The following NRG3 variants were observed in gnomAD, a reference collection of about 807,000 sequenced individuals.
NRG3 encodes the protein neuregulin 3.
NRG3 carries 31 observed loss-of-function variants against 66.9 expected under a neutral mutation model. The observed-to-expected ratio is 0.46, with a 90% CI of 0.35 to 0.63. The LOEUF (loss-of-function observed/expected upper bound fraction) is 0.63, where lower values mean the gene tolerates loss of function less well. Among genes scored for constraint, NRG3 ranks in the 20% least tolerant of loss-of-function variants. NRG3 has a pLI of 0.00. For synonymous variants in NRG3, 393 were observed against 359.4 expected, an observed-to-expected ratio of 1.09 and a Z score of -1.06; for missense variants, 910 against 878.9, an observed-to-expected ratio of 1.04 and a Z score of -0.45.
At chr10:82,529,615 A>G (rs1847063181) in intron 2 of NRG3, among the ~76,000 whole-genome samples, 1 of 152,198 alleles carries the variant, frequency 6.6e-6, no homozygotes, top group Non-Finnish European at 1.5e-5. Context: ...TCCAGTAGCT[A>G]AGAAAGTCAA....
At chr10:82,191,507 A>T (rs1316020493) in intron 1 of NRG3, among the ~76,000 whole-genome samples, 2 of 152,098 alleles carry the variant, frequency 1.3e-5, no homozygotes, top group African/African-American at 2.4e-5. Flanking sequence ...CCCAATCCCC[A>T]TTCCAAATTC....
chr10:82,620,309 T>C (rs2048956762), intron 2 of NRG3, among the ~76,000 whole-genome samples: 1 of 152,150 alleles, frequency 6.6e-6, no homozygotes, highest in African/African-American at 2.4e-5. Context: ...CCTGAGCTCT[T>C]GTCCAGCGTC....
chr10:82,591,884 G>A (rs2047004971), intron 2 of NRG3, among the ~76,000 whole-genome samples: 1 of 152,152 alleles, frequency 6.6e-6, no homozygotes, highest in Non-Finnish European at 1.5e-5. Context: ...CTGGGGACCT[G>A]TAGGTAAAAA....
At chr10:82,036,513 T>C (rs1019873592) in intron 1 of NRG3, among the ~76,000 whole-genome samples, 1 of 152,138 alleles carries the variant, frequency 6.6e-6, no homozygotes, top group Non-Finnish European at 1.5e-5. Flanking sequence ...GCCCTTATGA[T>C]TCAAAGCTTA....
At chr10:81,969,561 A>G (rs143559029) in intron 1 of NRG3, among the ~76,000 whole-genome samples, 3 of 152,244 alleles carry the variant, frequency 2.0e-5, no homozygotes, top group African/African-American at 4.8e-5. Context: ...ACACAAAAAA[A>G]TCCAGCGTGA....
intron 1 of NRG3, among the ~76,000 whole-genome samples, chr10:82,047,307 C>T (rs1425573292): frequency 6.6e-6 from 1 of 151,838 alleles, no homozygotes; most frequent in Non-Finnish European, 1.5e-5. Context: ...GTCAGATTCA[C>T]CAAAGTTGAA....
intron 1 of NRG3, among the ~76,000 whole-genome samples, chr10:82,021,149 T>A (rs1212827671): frequency 2.0e-5 from 3 of 152,050 alleles, no homozygotes; most frequent in Non-Finnish European, 4.4e-5. Flanking sequence ...AGATATCCCT[T>A]ATATTTACAC....
chr10:82,349,262 T>G (rs1167996870), intron 1 of NRG3, among the ~76,000 whole-genome samples: 1 of 151,912 alleles, frequency 6.6e-6, no homozygotes. Context: ...GTCCTTTCTG[T>G]TTGTTAGTTT....
chr10:82,875,415 T>G (rs909651012), intron 4 of NRG3, among the ~76,000 whole-genome samples: 4 of 152,208 alleles, frequency 2.6e-5, no homozygotes, highest in Non-Finnish European at 5.9e-5. Context: ...TGGAGTGCAG[T>G]GGTGTAATCG....
intron 2 of NRG3, among the ~76,000 whole-genome samples, chr10:82,734,408 C>T (rs535503392): frequency 8.5e-5 from 13 of 152,180 alleles, no homozygotes; most frequent in East Asian, 5.8e-4. Context: ...GAAAGCAATG[C>T]GGAGTAGAAA....
At chr10:82,648,181 G>A (rs1027232919) in intron 2 of NRG3, among the ~76,000 whole-genome samples, 39 of 152,242 alleles carry the variant, frequency 2.6e-4, no homozygotes, top group Admixed American at 9.2e-4. Flanking sequence ...TCATTTTTGT[G>A]TAAGGTGTAA....
At chr10:82,751,104 CCA>C (rs2058844216) in intron 3 of NRG3, among the ~76,000 whole-genome samples, 1 of 152,060 alleles carries the variant, frequency 6.6e-6, no homozygotes, top group Non-Finnish European at 1.5e-5. Flanking sequence ...TTTTTTAGAA[CCA>C]GCACTGGATC....
chr10:82,439,354 T>C (rs937912614), intron 2 of NRG3, among the ~76,000 whole-genome samples: 8 of 147,640 alleles, frequency 5.4e-5, no homozygotes, highest in African/African-American at 2.1e-4. Flanking sequence ...TTATGTAATT[T>C]TCAATAAATT....
chr10:82,343,826 G>C (rs1291383405), intron 1 of NRG3, among the ~76,000 whole-genome samples: 4 of 151,984 alleles, frequency 2.6e-5, no homozygotes, highest in South Asian at 2.1e-4. Context: ...AATCTCCTCA[G>C]TGTTAATCCA....
chr10:82,461,424 C>A (rs1305307665), intron 2 of NRG3, among the ~76,000 whole-genome samples: 1 of 152,144 alleles, frequency 6.6e-6, no homozygotes, highest in Non-Finnish European at 1.5e-5. Flanking sequence ...TCCTCTGGGA[C>A]ATTTTTTCTG....
At chr10:82,072,138 C>G (rs1290481159) in intron 1 of NRG3, among the ~76,000 whole-genome samples, 2 of 152,104 alleles carry the variant, frequency 1.3e-5, no homozygotes, top group African/African-American at 2.4e-5. Context: ...CTTTCTTACC[C>G]AAACATGTTT....
intron 2 of NRG3, among the ~76,000 whole-genome samples, chr10:82,527,508 C>T (rs1018258603): frequency 2.6e-5 from 4 of 152,058 alleles, no homozygotes; most frequent in Non-Finnish European, 5.9e-5. Context: ...TGTATATTTT[C>T]CACGCTGTTC....
chr10:82,179,594 C>T (rs1483607657), intron 1 of NRG3, among the ~76,000 whole-genome samples: 3 of 151,784 alleles, frequency 2.0e-5, no homozygotes, highest in Non-Finnish European at 4.4e-5. Flanking sequence ...TTCTCTGTTC[C>T]CTTGACTATA....
At chr10:82,690,206 A>G (rs542393131) in intron 2 of NRG3, among the ~76,000 whole-genome samples, 1 of 152,268 alleles carries the variant, frequency 6.6e-6, no homozygotes, top group African/African-American at 2.4e-5. Flanking sequence ...GCATGCCTAT[A>G]TGAAGAATCT....
Sources: allele counts gnomAD v4.1 joint callset (sites outside exome capture counted in the v4.1 genomes callset), GRCh38; gene constraint gnomAD v4.1.1; transcripts MANE v1.5; gene names NCBI Gene and HGNC (gene_info 2026-07-23, HGNC 2026-07-21).